The following PDE6A variants were observed in gnomAD, a reference collection of about 807,000 sequenced individuals.
PDE6A encodes the protein rod cGMP-specific 3',5'-cyclic phosphodiesterase subunit alpha.
Under a neutral mutation model 106.3 loss-of-function variants are expected in PDE6A, and 84 were observed. That is an observed-to-expected ratio of 0.79 (90% CI 0.66 to 0.95). The LOEUF (loss-of-function observed/expected upper bound fraction) is 0.95, where lower values mean the gene tolerates loss of function less well. PDE6A is among the 40% of genes least tolerant of loss of function. The pLI is 0.00. For missense variants in PDE6A, 1,052 were observed against 1,084.9 expected (o/e 0.97, Z 0.43); for synonymous variants, 394 against 386.6 (o/e 1.02, Z -0.23).
intron 10 of PDE6A, among the ~76,000 whole-genome samples, chr5:149,897,801 G>A (rs1244045310): frequency 6.6e-6 from 1 of 152,084 alleles, no homozygotes; most frequent in Non-Finnish European, 1.5e-5. Context: ...TGCCCAGGCT[G>A]GTCTCAAACT....
At chr5:149,904,248 A>T (rs147800125) in intron 7 of PDE6A, among the ~76,000 whole-genome samples, 4 of 152,336 alleles carry the variant, frequency 2.6e-5, no homozygotes, top group Non-Finnish European at 5.9e-5. Context: ...CCCTGTCTCA[A>T]AATAAAATAA....
In PDE6A at chr5:149,901,724, T is replaced by TCA. The variant is rs1752986746; in HGVS notation, c.1113+1922_1113+1923dup. 3.3e-5 allele frequency among the ~76,000 whole-genome samples: 5 copies of TCA among 152,346 alleles called. No individual in the cohort carries two copies. In the South Asian group the frequency reaches 1.0e-3, roughly 32 times the overall value. The stretch of plus-strand genomic sequence containing the variant: ...GTGGTTGTGGTCAGGTTAGCAACCC[T>TCA]CAGCAAGTCTTCAGGCTTGTCGCAT... On this transcript the variant is annotated intron_variant, in intron 8 of 21. Transcript: ENST00000255266.
intron 16 of PDE6A, among the ~76,000 whole-genome samples, chr5:149,884,182 A>G (rs916424056): frequency 7.5e-5 from 10 of 134,124 alleles, no homozygotes; most frequent in African/African-American, 2.8e-4. Flanking sequence ...ATCCTGTCTC[A>G]AAAAAGAAAA....
chr5:149,940,503 T>G (rs1195973927), intron 1 of PDE6A, among the ~76,000 whole-genome samples: 1 of 145,290 alleles, frequency 6.9e-6, no homozygotes, highest in African/African-American at 2.7e-5. Flanking sequence ...CCTGTTTGAA[T>G]CCTTTTTTTT....
chr5:149,900,276 C>T (rs1752917096), intron 8 of PDE6A, among the ~76,000 whole-genome samples: 3 of 150,876 alleles, frequency 2.0e-5, no homozygotes, highest in South Asian at 2.1e-4. Flanking sequence ...ATGGGAGAAT[C>T]GCTTGAACCC....
At chr5:149,942,807 G>T (rs1045853838) in intron 1 of PDE6A, among the ~76,000 whole-genome samples, 5 of 152,008 alleles carry the variant, frequency 3.3e-5, no homozygotes, top group African/African-American at 1.2e-4. Context: ...CGGAGGCCAG[G>T]TTTATGTTTG....
In PDE6A at chr5:149,931,128, G is replaced by A. The variant is rs778857421; in HGVS notation, c.758C>T (p.Thr253Met). 34 of 1,613,938 alleles carry A rather than the reference G, an allele frequency of 2.1e-5. No individual in the cohort carries two copies. Among genetic ancestry groups the A allele is most frequent in the African/African-American group, 4.0e-5 (3 of 74,902 alleles). Reference protein sequence around the residue: ...WSGSKVFEELTDIERQFHKAL... With the variant: ...WSGSKVFEELMDIERQFHKAL... ...TTTGTGGAACTGTCGTTCGATGTCCGTAAGTTCTTCAAAGACTTTGCTCCC... is the reference window on the plus strand; with the variant it reads ...TTTGTGGAACTGTCGTTCGATGTCCATAAGTTCTTCAAAGACTTTGCTCCC... The change falls in exon 4 of 22, where the codon ACG becomes ATG. Residue 253 changes from threonine (T) to methionine (M), a missense_variant. By Grantham distance (81) the Thr-to-Met change is moderately conservative (BLOSUM62 -1). Coordinates refer to ENST00000255266, the MANE Select transcript of PDE6A (RefSeq NM_000440.3).
At position 149,859,514 on chromosome 5, in the gene PDE6A, T is replaced by A. The variant is rs1157435887; in HGVS notation, c.*1381A>T. On this transcript the variant is annotated 3_prime_UTR_variant, in exon 22 of 22. Transcript: ENST00000255266. ...GAGTGGGCAGAGGGAGAAGTCGAGT[T>A]GGGATGTGAGCCCAGCGACAGCCTT... 6.6e-6 allele frequency: 1 copy of A among 152,300 alleles called. No homozygotes were observed. The highest frequency in any genetic ancestry group is 1.5e-5 in the Non-Finnish European group (1 of 68,122). 9.4% of individuals were successfully genotyped at this position (152,300 alleles called of 1,614,324 possible). A position where few individuals can be genotyped will look rare whatever the true frequency, so the allele number is the denominator to read the frequency against.
intron 4 of PDE6A, among the ~76,000 whole-genome samples, chr5:149,926,119 G>A (rs1300227139): frequency 6.6e-6 from 1 of 152,032 alleles, no homozygotes; most frequent in East Asian, 1.9e-4. Flanking sequence ...GCACGTGTCT[G>A]TAATCTCATC....
chr5:149,906,006 C>T (rs1310937724), intron 7 of PDE6A, among the ~76,000 whole-genome samples: 13 of 151,902 alleles, frequency 8.6e-5, no homozygotes, highest in Non-Finnish European at 1.8e-4. Context: ...TGTGGGCTTG[C>T]ACCACCATGC....
intron 13 of PDE6A, among the ~76,000 whole-genome samples, chr5:149,894,873 C>A (rs1422721982): frequency 6.6e-6 from 1 of 152,060 alleles, no homozygotes; most frequent in Non-Finnish European, 1.5e-5. Context: ...TCGTGATCCA[C>A]CCGCCTCGGC....
chr5:149,913,529 G>A (rs1753451730), intron 6 of PDE6A, among the ~76,000 whole-genome samples: 1 of 152,134 alleles, frequency 6.6e-6, no homozygotes, highest in African/African-American at 2.4e-5. Flanking sequence ...TTGTTTATCT[G>A]GGTGACGGGA....
intron 17 of PDE6A, among the ~76,000 whole-genome samples, chr5:149,874,024 A>G (rs914829430): frequency 9.2e-5 from 14 of 151,940 alleles, no homozygotes; most frequent in Admixed American, 7.2e-4. Flanking sequence ...AAAAAAAAGA[A>G]GAAGAAAAAA....
chr5:149,880,735 A>C (rs1016322155), intron 17 of PDE6A, among the ~76,000 whole-genome samples: 2 of 152,148 alleles, frequency 1.3e-5, no homozygotes, highest in African/African-American at 2.4e-5. Context: ...AAAAGTCAAT[A>C]AATAAATAAC....
intron 6 of PDE6A, among the ~76,000 whole-genome samples, chr5:149,912,777 G>C (rs1020098253): frequency 6.6e-6 from 1 of 152,096 alleles, no homozygotes; most frequent in Non-Finnish European, 1.5e-5. Context: ...AGCAGAGCCT[G>C]GCCTATCTTG....
rs141263407 is a variant in PDE6A, at chr5:149,917,288, G to A, written c.934-2281C>T. ...TTTTCACACACACAAAAAAAAATTG[G>A]AAATTTTTTTAAAAAGAAAAACCAA... On this transcript the variant is annotated intron_variant, in intron 5 of 21. Coordinates refer to ENST00000255266, the MANE Select transcript of PDE6A (RefSeq NM_000440.3). 6.4e-3 allele frequency among the ~76,000 whole-genome samples: 968 copies of A among 152,032 alleles called. 13 individuals are homozygous for A. The highest frequency in any genetic ancestry group is 0.022 in the African/African-American group (910 of 41,462).
Position 149,895,193 on chromosome 5 carries a change from G to C in PDE6A, c.1718C>G (p.Ser573Cys). 6.2e-7 allele frequency: 1 copy of C among 1,612,350 alleles called. No individual in the cohort carries two copies. Among genetic ancestry groups the C allele is most frequent in the Non-Finnish European group, 8.5e-7 (1 of 1,178,376 alleles). Residue 573 changes from serine to cysteine, a missense_variant, in exon 13 of 22, where the codon TCC (serine) becomes TGC (cysteine). By Grantham distance (112) the Ser-to-Cys change is moderately radical (BLOSUM62 -1). Around this residue, in one of 3 missense-constraint regions of PDE6A, gnomAD observed 913 missense variants for 915.2 expected, o/e 1.00. Coordinates refer to ENST00000255266, the MANE Select transcript of PDE6A (RefSeq NM_000440.3). ...HGFNVGQTMF[S>C]LLVTGKLKRY... Reference sequence around the variant, plus strand: ...CCGGCCCCGCCATACCACCAGCAGGGAGAACATGGTCTGCCCCACGTTGAA... The same window carrying C: ...CCGGCCCCGCCATACCACCAGCAGGCAGAACATGGTCTGCCCCACGTTGAA...
chr5:149,904,329 G>A (rs965311614), intron 7 of PDE6A, among the ~76,000 whole-genome samples: 19 of 152,188 alleles, frequency 1.2e-4, no homozygotes, highest in Admixed American at 2.6e-4. Flanking sequence ...CCCCAAAGTA[G>A]AATAATAAAT....
Position 149,896,728 on chromosome 5 carries a change from C to G in PDE6A, c.1456G>C (p.Glu486Gln). The change falls in exon 11 of 22, where the codon GAG (glutamate) becomes CAG (glutamine). Residue 486 changes from glutamate to glutamine, a missense_variant. Glu to Gln is a conservative substitution (Grantham distance 29, BLOSUM62 2). Transcript: ENST00000255266. ...CAGCTCACCAGGATCTCAGCCAGCT[C>G]CTCTTCCTCACACTCCCATGGCTCC... ...GKEPWECEEE[E>Q]LAEILQAELP... is the part of the protein sequence containing the mutation. The G allele has an allele frequency of 1.2e-6, 2 of 1,614,190 alleles. No individual in the cohort carries two copies. The highest frequency in any genetic ancestry group is 1.7e-6 in the Non-Finnish European group (2 of 1,180,030).
Sources: allele counts gnomAD v4.1 joint callset (sites outside exome capture counted in the v4.1 genomes callset), GRCh38; gene constraint gnomAD v4.1.1; regional missense constraint gnomAD v4.1.1; transcripts MANE v1.5; gene names NCBI Gene and HGNC (gene_info 2026-07-23, HGNC 2026-07-21).